Variants in CNTNAP2 observed in about 807,000 individuals in gnomAD.
CNTNAP2 encodes contactin associated protein 2, also known as contactin-associated protein-like 2.
CNTNAP2 carries 98 observed loss-of-function variants against 155.2 expected under a neutral mutation model. The ratio of observed to expected loss-of-function variants is 0.63; its 90% confidence interval spans 0.54 to 0.75. The LOEUF is 0.75. CNTNAP2 is among the 30% of genes least tolerant of loss of function. The pLI, the probability that CNTNAP2 is intolerant of heterozygous loss-of-function variation, is 0.00. For missense variants in CNTNAP2, 1,727 were observed against 1,688.1 expected (o/e 1.02, Z -0.40); for synonymous variants, 651 against 631.2 (o/e 1.03, Z -0.47).
At chr7:147,574,892 A>G (rs933184152) in intron 12 of CNTNAP2, among the ~76,000 whole-genome samples, 1 of 152,144 alleles carries the variant, frequency 6.6e-6, no homozygotes, top group Non-Finnish European at 1.5e-5. Context: ...GGGATCTACT[A>G]TCTGTCAAAC....
chr7:148,300,554 T>G (rs1797366184), intron 21 of CNTNAP2, among the ~76,000 whole-genome samples: 1 of 144,388 alleles, frequency 6.9e-6, no homozygotes, highest in East Asian at 2.0e-4. Flanking sequence ...TTCCACCCTG[T>G]GAGGAACACT....
chr7:147,130,274 A>T (rs1379115222), intron 7 of CNTNAP2, among the ~76,000 whole-genome samples: 3 of 150,714 alleles, frequency 2.0e-5, no homozygotes, highest in African/African-American at 5.0e-5. Context: ...AATTAAAATT[A>T]AAAAAATAAA....
intron 3 of CNTNAP2, among the ~76,000 whole-genome samples, chr7:146,878,793 G>A (rs1361423607): frequency 2.0e-5 from 3 of 151,966 alleles, no homozygotes; most frequent in Non-Finnish European, 4.4e-5. Flanking sequence ...CTTACCTGCC[G>A]ATCTTCTTAC....
At chr7:146,717,780 C>T (rs978139729) in intron 1 of CNTNAP2, among the ~76,000 whole-genome samples, 5 of 151,790 alleles carry the variant, frequency 3.3e-5, no homozygotes, top group African/African-American at 7.3e-5. Flanking sequence ...GTGCCAGGGA[C>T]GCCACACAGC....
intron 13 of CNTNAP2, among the ~76,000 whole-genome samples, chr7:147,743,473 A>G (rs1796987404): frequency 6.6e-6 from 1 of 152,170 alleles, no homozygotes; most frequent in African/African-American, 2.4e-5. Flanking sequence ...TTCTCCTCAC[A>G]GACTCATTCC....
At chr7:146,878,804 G>T (rs991165086) in intron 3 of CNTNAP2, among the ~76,000 whole-genome samples, 2 of 151,912 alleles carry the variant, frequency 1.3e-5, no homozygotes, top group African/African-American at 4.8e-5. Flanking sequence ...ATCTTCTTAC[G>T]CTTTCTTCCA....
At chr7:148,186,431 GT>G (rs764269831) in intron 18 of CNTNAP2, among the ~76,000 whole-genome samples, 42 of 152,266 alleles carry the variant, frequency 2.8e-4, no homozygotes, top group Non-Finnish European at 5.3e-4. Context: ...TCCAAGCCTA[GT>G]GTTTTTTCCA....
intron 14 of CNTNAP2, among the ~76,000 whole-genome samples, chr7:147,953,945 C>T (rs1016893270): frequency 2.6e-5 from 4 of 152,062 alleles, no homozygotes; most frequent in African/African-American, 9.7e-5. Flanking sequence ...AAGGTCATAT[C>T]GAGAAGTACC....
At chr7:146,666,868 G>A (rs1030682166) in intron 1 of CNTNAP2, among the ~76,000 whole-genome samples, 1 of 151,970 alleles carries the variant, frequency 6.6e-6, no homozygotes, top group Admixed American at 6.6e-5. Context: ...TGAGTTTTTT[G>A]TGTATTCTAG....
In CNTNAP2 at chr7:146,333,239, C is replaced by T. The variant is rs573465886; in HGVS notation, c.97+216266C>T. 4.6e-5 allele frequency among the ~76,000 whole-genome samples: 7 copies of T among 152,202 alleles called. No individual in the cohort carries two copies. The East Asian group carries it at 1.4e-3, about 29-fold the overall frequency. ...GGATTACTAGCATGAGCCACGATGC[C>T]CGGCCCCCATTTCTTCTTGTAGAAG... On this transcript the variant is annotated intron_variant, in intron 1 of 23. Coordinates refer to ENST00000361727, the MANE Select transcript of CNTNAP2 (RefSeq NM_014141.6).
intron 1 of CNTNAP2, among the ~76,000 whole-genome samples, chr7:146,482,206 G>GAAAAAA (rs749887909): frequency 2.1e-4 from 17 of 82,134 alleles, no homozygotes; most frequent in Non-Finnish European, 2.6e-4. Flanking sequence ...CTAAGAATTA[G>GAAAAAA]AAAAAAAAAA....
At chr7:147,299,569 G>C (rs996171361) in intron 8 of CNTNAP2, among the ~76,000 whole-genome samples, 3 of 151,746 alleles carry the variant, frequency 2.0e-5, no homozygotes, top group African/African-American at 7.3e-5. Context: ...TTATTATTTA[G>C]TACTTAATTT....
At chr7:147,635,576 T>A (rs1258042157) in intron 12 of CNTNAP2, among the ~76,000 whole-genome samples, 1 of 151,990 alleles carries the variant, frequency 6.6e-6, no homozygotes, top group African/African-American at 2.4e-5. Context: ...TGCATAGGGG[T>A]TTGATAGAGA....
intron 1 of CNTNAP2, among the ~76,000 whole-genome samples, chr7:146,538,368 G>A (rs1797901603): frequency 6.6e-6 from 1 of 152,068 alleles, no homozygotes; most frequent in Non-Finnish European, 1.5e-5. Flanking sequence ...CTGAAGGTCA[G>A]CCTGGAGCTG....
Position 148,138,833 on chromosome 7 carries a change from C to T in CNTNAP2, c.2555-8658C>T, listed in dbSNP as rs1042824138. Among the ~76,000 whole-genome samples, 7 of 152,282 alleles carry T rather than the reference C, an allele frequency of 4.6e-5. No homozygotes were observed. In the East Asian group the frequency reaches 5.8e-4, roughly 13 times the overall value. On this transcript the variant is annotated intron_variant, in intron 16 of 23. Coordinates refer to ENST00000361727, the MANE Select transcript of CNTNAP2 (RefSeq NM_014141.6). ...TACATGGGGTACAGGGGATTGTTGC[C>T]AGCCACATATCATTTTGGAACTATT...
At chr7:146,308,085 A>G (rs527843838) in intron 1 of CNTNAP2, among the ~76,000 whole-genome samples, 1 of 152,324 alleles carries the variant, frequency 6.6e-6, no homozygotes, top group Admixed American at 6.5e-5. Context: ...CCATCTGACA[A>G]AGGGCTAATA....
chr7:148,328,540 A>T (rs1299028209), intron 21 of CNTNAP2, among the ~76,000 whole-genome samples: 1 of 151,636 alleles, frequency 6.6e-6, no homozygotes, highest in African/African-American at 2.4e-5. Flanking sequence ...ACTTGTAGGG[A>T]GGGTTTTCTC....
chr7:147,917,390 G>C (rs1800178950), intron 14 of CNTNAP2, among the ~76,000 whole-genome samples: 1 of 152,214 alleles, frequency 6.6e-6, no homozygotes, highest in Non-Finnish European at 1.5e-5. Context: ...TAGTTCCCAT[G>C]CATGTAAAGG....
intron 14 of CNTNAP2, among the ~76,000 whole-genome samples, chr7:147,944,326 T>C (rs1252209420): frequency 6.6e-6 from 1 of 152,196 alleles, no homozygotes; most frequent in Non-Finnish European, 1.5e-5. Flanking sequence ...TTTTAAAACA[T>C]AAATAGCATG....
Sources: gnomAD v4.1 joint callset for allele counts (sites outside exome capture counted in the v4.1 genomes callset) on GRCh38, gnomAD v4.1.1 for gene constraint, MANE v1.5 for transcripts, NCBI Gene and HGNC (gene_info 2026-07-23, HGNC 2026-07-21) for gene names.